DSCAML1: variants seen among roughly 807,000 people sequenced by gnomAD.
The protein encoded by DSCAML1 is DS cell adhesion molecule like 1, also known as cell adhesion molecule DSCAML1.
A neutral mutation model predicts 200.5 loss-of-function variants in DSCAML1; 38 were observed. The ratio of observed to expected loss-of-function variants is 0.19; its 90% CI spans 0.15 to 0.25. DSCAML1 has a LOEUF of 0.25. Ranked by LOEUF, DSCAML1 falls within the 10% of genes least tolerant of loss-of-function variation. The pLI, the probability that DSCAML1 is intolerant of heterozygous loss-of-function variation, is 1.00. For synonymous variants in DSCAML1, 1,215 were observed against 1,165.0 expected, an observed-to-expected ratio of 1.04 and a Z score of -0.87; for missense variants, 2,223 against 2,858.8, an observed-to-expected ratio of 0.78 and a Z score of 5.07.
intron 3 of DSCAML1, among the ~76,000 whole-genome samples, chr11:117,688,445 C>T (rs1227161647): frequency 6.6e-6 from 1 of 152,224 alleles, no homozygotes; most frequent in Admixed American, 6.5e-5. Context: ...AGAGAAGCAG[C>T]CTGCTTCTCA....
chr11:117,552,227 G>A (rs753696081), intron 3 of DSCAML1, among the ~76,000 whole-genome samples: 3 of 151,976 alleles, frequency 2.0e-5, no homozygotes, highest in African/African-American at 4.8e-5. Context: ...CAGCCCTCCC[G>A]CCTTGACAAT....
Position 117,516,903 on chromosome 11 carries a change from T to C in DSCAML1, c.1511-164A>G, listed in dbSNP as rs759671729. The stretch of plus-strand genomic sequence containing the variant: ...GCACAGGGATGCCTTTTTACAAAGC[T>C]ACAGACAGGGGCTGGAATTGGGGGG... On this transcript the variant is annotated intron_variant, in intron 7 of 32. Transcript: ENST00000651296. The surrounding 1 kb of genome is among the most constrained non-coding windows in gnomAD (Gnocchi z 5.7). Among the ~76,000 whole-genome samples the C allele has an allele frequency of 1.1e-4, 17 of 152,120 alleles. No individual in the cohort carries two copies. The highest frequency in any genetic ancestry group is 2.9e-5 in the Non-Finnish European group (2 of 68,030).
At chr11:117,604,989 A>T (rs551208435) in intron 3 of DSCAML1, among the ~76,000 whole-genome samples, 126 of 152,132 alleles carry the variant, frequency 8.3e-4, no homozygotes, top group African/African-American at 3.0e-3. Flanking sequence ...GCTTTTCTTG[A>T]TGGGGCCCAT....
chr11:117,461,714 A>G, intron 17 of DSCAML1, 118 bp from the exon 18 acceptor site: 1 of 915,462 alleles, frequency 1.1e-6, no homozygotes, highest in Non-Finnish European at 1.7e-6. Context: ...CAGTTAGACA[A>G]GTGGGGGGAC....
At chr11:117,544,885 T>C (rs2050342285) in intron 3 of DSCAML1, among the ~76,000 whole-genome samples, 1 of 152,106 alleles carries the variant, frequency 6.6e-6, no homozygotes, top group Non-Finnish European at 1.5e-5. Flanking sequence ...AAAGAGGTGG[T>C]TAAGGTTAAA....
chr11:117,429,665 C>T (rs1371467565), intron 32 of DSCAML1, among the ~76,000 whole-genome samples: 1 of 152,208 alleles, frequency 6.6e-6, no homozygotes, highest in African/African-American at 2.4e-5. Context: ...TGAGCCGCCG[C>T]ACCCAACCTA....
Position 117,461,562 on chromosome 11 carries a change from CA to C in DSCAML1, c.3299del (p.Leu1100ArgfsTer121). On this transcript the variant is annotated frameshift_variant, in exon 18 of 33. Coordinates refer to ENST00000651296, the MANE Select transcript of DSCAML1 (RefSeq NM_020693.4). LOFTEE classifies it high-confidence loss of function. Reference sequence around the variant, plus strand: ...TGACGGCCACGTCAGAAGTGATGGACAGGGCCCGGACGTTCTCAGGGGGCTG... The same window carrying C: ...TGACGGCCACGTCAGAAGTGATGGACGGGCCCGGACGTTCTCAGGGGGCTG... ...PSQPPENVRA[L>X]SITSDVAVIS... The C allele has an allele frequency of 6.2e-7, 1 of 1,613,980 alleles. No individual in the cohort carries two copies. The highest frequency in any genetic ancestry group is 8.5e-7 in the Non-Finnish European group (1 of 1,180,036).
chr11:117,429,931 G>A (rs1001967454), intron 32 of DSCAML1, among the ~76,000 whole-genome samples: 2 of 152,240 alleles, frequency 1.3e-5, no homozygotes, highest in African/African-American at 2.4e-5. Flanking sequence ...ACAGCTAAAA[G>A]GGGTGGGGGT....
At chr11:117,485,830 C>T (rs2049036532) in intron 11 of DSCAML1, among the ~76,000 whole-genome samples, 1 of 152,158 alleles carries the variant, frequency 6.6e-6, no homozygotes, top group Admixed American at 6.5e-5. Context: ...AGAATGTGGT[C>T]CTAGGCAAAA....
chr11:117,509,544 C>A (rs1479953679), intron 8 of DSCAML1, among the ~76,000 whole-genome samples: 2 of 152,178 alleles, frequency 1.3e-5, no homozygotes, highest in African/African-American at 4.8e-5. Flanking sequence ...GTACTCCAGG[C>A]TAGCCACTCA....
rs746721038 is a variant in DSCAML1 at position 117,433,204 on chromosome 11, G to A, written c.4960C>T (p.Arg1654Trp). 8.1e-6 allele frequency: 13 copies of A among 1,613,880 alleles called. No homozygotes were observed. The highest frequency in any genetic ancestry group is 1.3e-5 in the African/African-American group (1 of 74,916). Reference sequence around the variant, plus strand: ...ACCCTGGGGATGTCAATGTGTAGCCGTGGGCCCTGGGGTGGCCCTTTCACA... The same window carrying A: ...ACCCTGGGGATGTCAATGTGTAGCCATGGGCCCTGGGGTGGCCCTTTCACA... The part of the protein sequence containing the change: ...TPVKGPPQGP[R>W]LHIDIPRVQL... The change falls in exon 29 of 33, where the codon CGG (arginine) becomes TGG (tryptophan). Residue 1654 changes from arginine to tryptophan, a missense_variant. This residue lies in a region of DSCAML1 where 614 missense variants were observed against 739.1 expected (regional missense o/e 0.83). Transcript: ENST00000651296.
rs1413865538 is a variant in DSCAML1, at chr11:117,780,282, A to AAGAC, written c.364+210_364+211insGTCT. Among the ~76,000 whole-genome samples the AAGAC allele has an allele frequency of 1.0e-5, 1 of 96,956 alleles. No individual in the cohort carries two copies. Among genetic ancestry groups the AAGAC allele is most frequent in the South Asian group, 4.0e-4 (1 of 2,528 alleles). The allele number at this position is 96,956 out of a possible 152,430, so 63.6% of individuals were successfully genotyped here. A position where few individuals can be genotyped will look rare whatever the true frequency, so the allele number is the denominator to read the frequency against. ...AAAGAAAGAAAGAAAGAAAGAAAGA[A>AAGAC]AGAAAGAAAGAAAGAAAGAAAGAGA... On this transcript the variant is annotated intron_variant, in intron 2 of 32. Coordinates refer to ENST00000651296, the MANE Select transcript of DSCAML1 (RefSeq NM_020693.4). The surrounding 1 kb of genome is among the most constrained non-coding windows in gnomAD (Gnocchi z 4.8).
rs529605325 is a variant in DSCAML1, at chr11:117,518,756, G to A, written c.1220C>T (p.Thr407Met). ...DFAIIALEDGTPRIVSSFSEK... is the reference protein window; with the variant it reads ...DFAIIALEDGMPRIVSSFSEK... Reference sequence around the variant, plus strand: ...GCTGAAGGACGAGACGATGCGGGGCGTGCCATCTGCAGGGAGCGAGAAGCC... The same window carrying A: ...GCTGAAGGACGAGACGATGCGGGGCATGCCATCTGCAGGGAGCGAGAAGCC... The change falls in exon 7 of 33, where the codon ACG becomes ATG. Residue 407 changes from threonine to methionine, a missense_variant. By Grantham distance (81) the Thr-to-Met change is moderately conservative. Around this residue, in one of 7 missense-constraint regions of DSCAML1, gnomAD observed 579 missense variants for 721.5 expected, o/e 0.80. Coordinates refer to ENST00000651296, the MANE Select transcript of DSCAML1 (RefSeq NM_020693.4). This position sits in a 1 kb window ranked among gnomAD's most constrained non-coding sequence, Gnocchi z 6.3. The A allele has an allele frequency of 4.3e-6, 7 of 1,610,940 alleles. No homozygotes were observed. The highest frequency in any genetic ancestry group is 1.7e-5 in the Admixed American group (1 of 59,980).
At chr11:117,715,486 T>C (rs1333272665) in intron 3 of DSCAML1, among the ~76,000 whole-genome samples, 8 of 152,246 alleles carry the variant, frequency 5.3e-5, no homozygotes, top group Non-Finnish European at 1.2e-4. Context: ...AAATGCCTAC[T>C]ATGTGCCAGG....
chr11:117,803,821 C>G (rs184272992), intron 1 of DSCAML1, among the ~76,000 whole-genome samples: 1 of 152,238 alleles, frequency 6.6e-6, no homozygotes, highest in African/African-American at 2.4e-5. Flanking sequence ...AAAGTCAAGG[C>G]CCAGGCCCAT....
At position 117,509,726 on chromosome 11, in the gene DSCAML1, CTG is replaced by C. The variant is rs144806200; in HGVS notation, c.1784-3996_1784-3995del. Among the ~76,000 whole-genome samples the C allele has an allele frequency of 3.5e-3, 530 of 152,336 alleles. 2 individuals carry two copies. The highest frequency in any genetic ancestry group is 5.4e-3 in the Non-Finnish European group (369 of 68,032). On this transcript the variant is annotated intron_variant, in intron 8 of 32. Coordinates refer to ENST00000651296, the MANE Select transcript of DSCAML1 (RefSeq NM_020693.4). ...GTCCAAATGGGGCTTGCCTTCTGAC[CTG>C]TGAGTCAGCGGCGCCCTCTCCAGTG...
At chr11:117,521,019 G>A (rs1426454173) in intron 6 of DSCAML1, 111 bp downstream of exon 6, 7 of 1,421,520 alleles carry the variant, frequency 4.9e-6, no homozygotes, top group Non-Finnish European at 5.8e-6. Context: ...GGCCTGGTGT[G>A]TAGTGAGCGC....
At chr11:117,587,218 G>T (rs368233514) in intron 3 of DSCAML1, among the ~76,000 whole-genome samples, 23 of 151,260 alleles carry the variant, frequency 1.5e-4, no homozygotes, top group African/African-American at 5.4e-4. Flanking sequence ...CAACGAACAG[G>T]GTGTTGTGAT....
At chr11:117,788,338 T>C (rs555247693) in intron 1 of DSCAML1, among the ~76,000 whole-genome samples, 5 of 152,192 alleles carry the variant, frequency 3.3e-5, no homozygotes, top group African/African-American at 7.2e-5. Flanking sequence ...GTTGTTGTTG[T>C]TGTTTTGAGA....
Sources: allele counts gnomAD v4.1 joint callset (sites outside exome capture counted in the v4.1 genomes callset), GRCh38; gene constraint gnomAD v4.1.1; regional missense constraint gnomAD v4.1.1; non-coding constraint Gnocchi (gnomAD v3.1); transcripts MANE v1.5; gene names NCBI Gene and HGNC (gene_info 2026-07-23, HGNC 2026-07-21).